C2CD2: variants seen among roughly 807,000 people sequenced by gnomAD.
The protein encoded by C2CD2 is C2 calcium dependent domain containing 2.
In C2CD2, 43 loss-of-function variants were observed where a neutral mutation model predicts 74.3. The observed-to-expected ratio is 0.58, with a 90% CI of 0.45 to 0.75. The LOEUF (loss-of-function observed/expected upper bound fraction) is 0.75, where lower values mean the gene tolerates loss of function less well. Ranked by LOEUF, C2CD2 falls within the 30% of genes least tolerant of loss-of-function variation. The pLI, the probability that C2CD2 is intolerant of heterozygous loss-of-function variation, is 0.00. For synonymous variants in C2CD2, 422 were observed against 390.7 expected (o/e 1.08, Z -0.94); for missense variants, 801 against 916.3 (o/e 0.87, Z 1.63).
intron 1 of C2CD2, among the ~76,000 whole-genome samples, chr21:41,944,920 C>T (rs1019739293): frequency 1.3e-5 from 2 of 152,160 alleles, no homozygotes; most frequent in Non-Finnish European, 2.9e-5. Context: ...TCTGGTGCAC[C>T]AACAAACACA....
chr21:41,894,268 T>C (rs2064794252), intron 13 of C2CD2, among the ~76,000 whole-genome samples: 1 of 152,180 alleles, frequency 6.6e-6, no homozygotes, highest in Admixed American at 6.5e-5. Flanking sequence ...ATCCCTACCA[T>C]TTTTAGGGTT....
In C2CD2 at chr21:41,905,775, T is replaced by C. The variant is rs1263467622; in HGVS notation, c.1381A>G (p.Ile461Val). ...VIEKDISVQA[I>V]ACRSAPVSKT... ...CTGACGGGGGCGCTGCGGCAGGCGA[T>C]GGCCTGGACAGAGATGTCCTTCTCG... Residue 461 changes from isoleucine (I) to valine (V), a missense_variant, in exon 11 of 14, where the codon ATC (isoleucine) becomes GTC (valine). Ile to Val is a conservative substitution (Grantham distance 29). Coordinates refer to ENST00000380486, the MANE Select transcript of C2CD2 (RefSeq NM_015500.2). 3.7e-6 allele frequency: 6 copies of C among 1,612,840 alleles called. No homozygotes were observed. Among genetic ancestry groups the C allele is most frequent in the East Asian group, 4.5e-5 (2 of 44,862 alleles).
chr21:41,896,707 C>CAAAA (rs71332341), intron 13 of C2CD2, among the ~76,000 whole-genome samples: 2,947 of 73,288 alleles, frequency 0.04, 45 homozygotes, highest in Middle Eastern at 0.085. Context: ...GTTCTTAAAC[C>CAAAA]AAAAAAAAAA....
intron 1 of C2CD2, among the ~76,000 whole-genome samples, chr21:41,950,197 G>A (rs2065438913): frequency 6.6e-6 from 1 of 152,002 alleles, no homozygotes; most frequent in African/African-American, 2.4e-5. Context: ...GTGTGTACTA[G>A]CAGCTTCTCA....
At chr21:41,901,590 G>A (rs772954829) in intron 12 of C2CD2, 32 bp downstream of exon 12, 1 of 1,613,026 alleles carries the variant, frequency 6.2e-7, no homozygotes, top group South Asian at 1.1e-5. Flanking sequence ...CAGATGACCA[G>A]ATGAACACCT....
At chr21:41,932,109 C>A (rs2065267859) in intron 2 of C2CD2, among the ~76,000 whole-genome samples, 1 of 148,644 alleles carries the variant, frequency 6.7e-6, no homozygotes, top group African/African-American at 2.4e-5. Context: ...CTAGAGGTCG[C>A]ATTCAATCAC....
At chr21:41,893,706 T>G (rs543077055) in intron 13 of C2CD2, among the ~76,000 whole-genome samples, 4,963 of 111,414 alleles carry the variant, frequency 0.045, 120 homozygotes, top group Non-Finnish European at 0.066. Context: ...TTCTTTTTTT[T>G]TTTTTTTTTT....
rs1344954169 is a variant in C2CD2 at position 41,885,274 on chromosome 21, A to G, written c.*3850T>C. 6.6e-6 allele frequency: 1 copy of G among 152,224 alleles called. No individual in the cohort carries two copies. The highest frequency in any genetic ancestry group is 1.5e-5 in the Non-Finnish European group (1 of 68,040). The allele number at this position is 152,224 out of a possible 1,614,324, so 9.4% of individuals were successfully genotyped here. ...ACAATCATTGTCACGTAAGTTCATCACCGCACTCCAGCGTCAGGCCAAACC... is the reference window on the plus strand; with the variant it reads ...ACAATCATTGTCACGTAAGTTCATCGCCGCACTCCAGCGTCAGGCCAAACC... On this transcript the variant is annotated 3_prime_UTR_variant, in exon 14 of 14. Transcript: ENST00000380486.
At chr21:41,918,320 T>C (rs1301720110) in intron 4 of C2CD2, 93 bp from the exon 5 acceptor site, 4 of 1,345,592 alleles carry the variant, frequency 3.0e-6, no homozygotes, top group Non-Finnish European at 4.1e-6. Context: ...CCATGCAAAG[T>C]AGGAAGGAAG....
chr21:41,921,528 T>C (rs1296105587), intron 3 of C2CD2, among the ~76,000 whole-genome samples: 1 of 152,226 alleles, frequency 6.6e-6, no homozygotes, highest in Non-Finnish European at 1.5e-5. Flanking sequence ...TTTTAACTTA[T>C]AAAAATAATA....
At chr21:41,935,310 T>G (rs1365325689) in intron 2 of C2CD2, among the ~76,000 whole-genome samples, 1 of 152,240 alleles carries the variant, frequency 6.6e-6, no homozygotes. Context: ...AGCAAAAGAC[T>G]GGCAATGCAC....
intron 2 of C2CD2, 36 bp from the exon 3 acceptor site, chr21:41,922,121 CA>C: frequency 7.9e-7 from 1 of 1,273,748 alleles, no homozygotes; most frequent in Non-Finnish European, 1.1e-6. Context: ...AAACTGTATC[CA>C]AAACAAAGGA....
chr21:41,937,041 G>C (rs1383122023), intron 2 of C2CD2, among the ~76,000 whole-genome samples: 1 of 151,734 alleles, frequency 6.6e-6, no homozygotes, highest in Non-Finnish European at 1.5e-5. Context: ...GGCTGGTCTT[G>C]AACTCTTGAC....
intron 8 of C2CD2, chr21:41,908,750 T>A (rs980310288): frequency 6.6e-6 from 1 of 152,206 alleles, no homozygotes; most frequent in Admixed American, 6.5e-5. Flanking sequence ...AATTTTGGTA[T>A]GTTTATGGGG....
chr21:41,919,816 T>G (rs2065135998), intron 3 of C2CD2, among the ~76,000 whole-genome samples: 1 of 152,120 alleles, frequency 6.6e-6, no homozygotes, highest in Non-Finnish European at 1.5e-5. Flanking sequence ...CCCTGGAACT[T>G]GTGACTGTGA....
Position 41,899,330 on chromosome 21 carries a change from C to T in C2CD2, c.1593G>A (p.Leu531=). The T allele has an allele frequency of 6.2e-7, 1 of 1,608,700 alleles. No homozygotes were observed. The highest frequency in any genetic ancestry group is 1.3e-5 in the African/African-American group (1 of 75,024). The change falls in exon 13 of 14, where the codon CTG becomes CTA. Residue 531 remains leucine (L), a synonymous_variant. Coordinates refer to ENST00000380486, the MANE Select transcript of C2CD2 (RefSeq NM_015500.2). The surrounding 1 kb of genome is among the most constrained non-coding windows in gnomAD (Gnocchi z 4.4). The part of the protein sequence containing the change: ...TSLSQDHDAA[L]MQGYTASVDS... Reference sequence around the variant, plus strand: ...CCACAGAGGCCGTGTAGCCCTGCATCAGGGCAGCGTCGTGGTCCTGAGATA... The same window carrying T: ...CCACAGAGGCCGTGTAGCCCTGCATTAGGGCAGCGTCGTGGTCCTGAGATA...
Position 41,953,741 on chromosome 21 carries a change from G to C in C2CD2, c.-93C>G, listed in dbSNP as rs1315158809. 1.9e-5 allele frequency: 23 copies of C among 1,186,204 alleles called. No individual in the cohort carries two copies. The highest frequency in any genetic ancestry group is 2.3e-5 in the Non-Finnish European group (22 of 944,432). The allele number at this position is 1,186,204 out of a possible 1,614,324, so 73.5% of individuals were successfully genotyped here. A position where few individuals can be genotyped will look rare whatever the true frequency, so the allele number is the denominator to read the frequency against. ...CACGCGCTGGCTGCGGCCACAGCGC[G>C]CTGGGGGCGTGGAGGGGGCGCGGCG... On this transcript the variant is annotated 5_prime_UTR_variant, in exon 1 of 14. Transcript: ENST00000380486.
intron 5 of C2CD2, among the ~76,000 whole-genome samples, chr21:41,915,802 T>C (rs2065083838): frequency 6.6e-6 from 1 of 152,230 alleles, no homozygotes; most frequent in African/African-American, 2.4e-5. Context: ...TTTTCTTTCC[T>C]TTTCTAATTA....
In C2CD2 at chr21:41,953,969, G is replaced by T. The variant is rs1302072147; in HGVS notation, c.-321C>A. 6.7e-6 allele frequency: 1 copy of T among 148,362 alleles called. No individual in the cohort carries two copies. The highest frequency in any genetic ancestry group is 2.4e-5 in the African/African-American group (1 of 40,964). The allele number at this position is 148,362 out of a possible 1,614,324, so 9.2% of individuals were successfully genotyped here. ...GCGGGCCGCGCTTCCTCCTGCGCGC[G>T]CCGCCCCGGGCGTCCCGCCCGCGGC... On this transcript the variant is annotated 5_prime_UTR_variant, in exon 1 of 14. Coordinates refer to ENST00000380486, the MANE Select transcript of C2CD2 (RefSeq NM_015500.2).
Sources: gnomAD v4.1 joint callset for allele counts (sites outside exome capture counted in the v4.1 genomes callset) on GRCh38, gnomAD v4.1.1 for gene constraint, Gnocchi (gnomAD v3.1) non-coding constraint, MANE v1.5 for transcripts, NCBI Gene and HGNC (gene_info 2026-07-23, HGNC 2026-07-21) for gene names.